AFF2: variants seen among roughly 807,000 people sequenced by gnomAD.
The protein encoded by AFF2 is ALF transcription elongation factor 2.
A neutral mutation model predicts 76.9 loss-of-function variants in AFF2; 14 were observed. That is an observed-to-expected ratio of 0.18 (90% CI 0.12 to 0.28). The LOEUF (loss-of-function observed/expected upper bound fraction) is 0.28. Among genes scored for constraint, AFF2 ranks in the 10% least tolerant of loss-of-function variants. AFF2 has a pLI of 1.00. For synonymous variants in AFF2, 398 were observed against 366.7 expected (o/e 1.09, Z -0.98); for missense variants, 868 against 1,001.1 (o/e 0.87, Z 1.79).
At chrX:148,678,710 C>T (rs1557259682) in intron 3 of AFF2, among the ~76,000 whole-genome samples, 3 of 111,745 alleles carry the variant, frequency 2.7e-5, no homozygotes, top group African/African-American at 9.8e-5. Context: ...TGGTAGGCTC[C>T]AGCAAACATA....
chrX:148,795,870 T>TAC (rs1223653740), intron 3 of AFF2, among the ~76,000 whole-genome samples: 25 of 52,847 alleles, frequency 4.7e-4, no homozygotes, highest in East Asian at 2.4e-3. Context: ...TATATATATA[T>TAC]ATACACACCT....
At chrX:148,581,831 A>G (rs1254842445) in intron 1 of AFF2, among the ~76,000 whole-genome samples, 6 of 112,168 alleles carry the variant, frequency 5.3e-5, no homozygotes, top group African/African-American at 1.9e-4. Context: ...TCAGGAAGCT[A>G]ACATTGGTAC....
At chrX:148,971,747 C>CTTTTTGTTTTTTTTTTTTTAT (rs2072256972) in intron 15 of AFF2, among the ~76,000 whole-genome samples, 1 of 44,731 alleles carries the variant, frequency 2.2e-5, no homozygotes, top group Non-Finnish European at 3.8e-5. Flanking sequence ...TTTTCTATTT[C>CTTTTTGTTTTTTTTTTTTTAT]TTTTTTTTTT....
chrX:148,571,176 G>A (rs2053225105), intron 1 of AFF2, among the ~76,000 whole-genome samples: 1 of 111,874 alleles, frequency 8.9e-6, no homozygotes, highest in African/African-American at 3.2e-5. Flanking sequence ...AAACCCAACT[G>A]TATTCTTTGG....
intron 3 of AFF2, among the ~76,000 whole-genome samples, chrX:148,709,034 T>A (rs782547929): frequency 1.5e-3 from 172 of 111,719 alleles, no homozygotes; most frequent in Non-Finnish European, 2.7e-3. Context: ...TTGTGAATAA[T>A]CATGTGAAAT....
At chrX:148,941,413 A>G (rs1557285561) in intron 9 of AFF2, among the ~76,000 whole-genome samples, 2 of 112,127 alleles carry the variant, frequency 1.8e-5, no homozygotes, top group Non-Finnish European at 3.8e-5. Flanking sequence ...GGCACAATGT[A>G]GGCTGGGTTG....
At chrX:148,617,051 T>C (rs1478648383) in intron 1 of AFF2, among the ~76,000 whole-genome samples, 1 of 111,853 alleles carries the variant, frequency 8.9e-6, no homozygotes, top group Non-Finnish European at 1.9e-5. Context: ...CATGTGTCTT[T>C]ATAGCAGCAT....
At chrX:148,661,769 T>G in intron 2 of AFF2, 139 bp from the exon 3 acceptor site, 3 of 676,675 alleles carry the variant, frequency 4.4e-6, no homozygotes, top group Non-Finnish European at 6.5e-6. Flanking sequence ...ATGAAAAGCA[T>G]GAAATTATAT....
intron 3 of AFF2, among the ~76,000 whole-genome samples, chrX:148,760,126 C>T (rs782454867): frequency 8.9e-6 from 1 of 112,146 alleles, no homozygotes; most frequent in Non-Finnish European, 1.9e-5. Flanking sequence ...GAAACTAAGT[C>T]ATTTGTGATT....
At chrX:148,526,462 T>C (rs2052662216) in intron 1 of AFF2, among the ~76,000 whole-genome samples, 1 of 106,620 alleles carries the variant, frequency 9.4e-6, no homozygotes, top group Non-Finnish European at 1.9e-5. Context: ...TGATTATGAA[T>C]CACTTCCTTA....
chrX:148,782,688 T>G (rs1439487006), intron 3 of AFF2, among the ~76,000 whole-genome samples: 1 of 111,799 alleles, frequency 8.9e-6, no homozygotes, highest in Admixed American at 9.5e-5. Context: ...AGCATAAAAT[T>G]TATTAGTGAC....
intron 3 of AFF2, among the ~76,000 whole-genome samples, chrX:148,677,561 G>C (rs1282072861): frequency 2.7e-5 from 3 of 112,257 alleles, no homozygotes; most frequent in African/African-American, 9.7e-5. Context: ...TATTAGTAAT[G>C]CAGTATATTA....
intron 19 of AFF2, among the ~76,000 whole-genome samples, chrX:148,983,668 A>T (rs924614976): frequency 2.7e-5 from 3 of 110,967 alleles, no homozygotes; most frequent in South Asian, 3.9e-4. Context: ...CTCCTCTAGT[A>T]TACTCTTTGC....
chrX:148,827,361 G>T (rs1557273034), intron 4 of AFF2, among the ~76,000 whole-genome samples: 1 of 112,077 alleles, frequency 8.9e-6, no homozygotes, highest in African/African-American at 3.2e-5. Flanking sequence ...TAAACTACAA[G>T]AAAGCTATCA....
chrX:148,704,342 A>G (rs868963921), intron 3 of AFF2, among the ~76,000 whole-genome samples: 20 of 46,351 alleles, frequency 4.3e-4, no homozygotes, highest in East Asian at 7.3e-4. Context: ...ATATGTGTGT[A>G]TATATATATT....
At position 148,953,758 on chromosome X, in the gene AFF2, G is replaced by A. The variant is rs1480191340; in HGVS notation, c.1557+19G>A. On this transcript the variant is annotated intron_variant, in intron 10 of 20. Coordinates refer to ENST00000370460, the MANE Select transcript of AFF2 (RefSeq NM_002025.4). ...TCCAGAGGTGAGTGAAGGTGCCAGG[G>A]CCCTAACCATGATCTGCCTGTCCCA... 11 of 1,185,030 alleles carry A rather than the reference G, an allele frequency of 9.3e-6. No homozygotes were observed. The highest frequency in any genetic ancestry group is 1.2e-5 in the Non-Finnish European group (11 of 880,013).
At chrX:148,886,067 G>A (rs1446444536) in intron 8 of AFF2, 82 bp downstream of exon 8, 28 of 726,507 alleles carry the variant, frequency 3.9e-5, no homozygotes, top group Middle Eastern at 3.2e-4. Flanking sequence ...TTTGACATGC[G>A]CAAACTTCCC....
chrX:148,982,123 GA>G (rs1193253287), intron 19 of AFF2, among the ~76,000 whole-genome samples: 4 of 111,833 alleles, frequency 3.6e-5, no homozygotes, highest in Admixed American at 9.5e-5. Context: ...AATCACTGGG[GA>G]AAAAAGCGTT....
At chrX:148,732,496 A>G (rs1471843771) in intron 3 of AFF2, among the ~76,000 whole-genome samples, 1 of 91,986 alleles carries the variant, frequency 1.1e-5, no homozygotes, top group Non-Finnish European at 2.1e-5. Flanking sequence ...TAGTGGGTGC[A>G]GCGCACCAGC....
Sources: gnomAD v4.1 joint callset for allele counts (sites outside exome capture counted in the v4.1 genomes callset) on GRCh38, gnomAD v4.1.1 for gene constraint, MANE v1.5 for transcripts, NCBI Gene and HGNC (gene_info 2026-07-23, HGNC 2026-07-21) for gene names.